Variants in APBA1 observed in about 807,000 individuals in gnomAD.
APBA1 encodes the protein amyloid-beta A4 precursor protein-binding family A member 1.
In APBA1, 55 loss-of-function variants were observed where a neutral mutation model predicts 86.6. That is an observed-to-expected ratio of 0.64 (90% CI 0.51 to 0.80). The LOEUF is 0.80. Among genes scored for constraint, APBA1 ranks in the 30% least tolerant of loss-of-function variants. The pLI, the probability that APBA1 is intolerant of heterozygous loss-of-function variation, is 0.00. For synonymous variants in APBA1, 511 were observed against 493.9 expected, an observed-to-expected ratio of 1.03 and a Z score of -0.46; for missense variants, 1,090 against 1,183.0, an observed-to-expected ratio of 0.92 and a Z score of 1.15.
intron 1 of APBA1, among the ~76,000 whole-genome samples, chr9:69,527,325 G>T (rs1254954242): frequency 6.6e-6 from 1 of 151,988 alleles, no homozygotes; most frequent in Non-Finnish European, 1.5e-5. Flanking sequence ...GGCTATGTAG[G>T]GTTGGAAAAC....
intron 2 of APBA1, among the ~76,000 whole-genome samples, chr9:69,483,545 AT>A (rs1209334509): frequency 1.3e-5 from 2 of 152,174 alleles, no homozygotes; most frequent in Non-Finnish European, 2.9e-5. Context: ...AAACAAAAAA[AT>A]CTTTTCCAAA....
At chr9:69,610,564 A>G (rs1369333832) in intron 1 of APBA1, among the ~76,000 whole-genome samples, 1 of 152,090 alleles carries the variant, frequency 6.6e-6, no homozygotes, top group East Asian at 1.9e-4. Context: ...TGGTTTTGTT[A>G]CATGTCTGTC....
intron 2 of APBA1, among the ~76,000 whole-genome samples, chr9:69,487,653 G>T (rs780641575): frequency 6.6e-6 from 1 of 152,042 alleles, no homozygotes; most frequent in African/African-American, 2.4e-5. Context: ...GTTAGTTATC[G>T]TGAGAGTGGA....
At chr9:69,634,057 C>T (rs118069018) in intron 1 of APBA1, among the ~76,000 whole-genome samples, 3,332 of 152,244 alleles carry the variant, frequency 0.022, 50 homozygotes, top group South Asian at 0.031. Flanking sequence ...CAATAAAGCA[C>T]CTTCATAAGA....
intron 1 of APBA1, among the ~76,000 whole-genome samples, chr9:69,580,578 A>G (rs1342842724): frequency 2.0e-5 from 3 of 152,168 alleles, no homozygotes; most frequent in African/African-American, 7.2e-5. Flanking sequence ...AGCCCTAAAT[A>G]TCTCCTCATG....
At chr9:69,560,076 T>C (rs748442368) in intron 1 of APBA1, among the ~76,000 whole-genome samples, 7 of 152,218 alleles carry the variant, frequency 4.6e-5, no homozygotes, top group Non-Finnish European at 7.3e-5. Flanking sequence ...TTTAGCTCCC[T>C]GCTTGCCCAG....
At chr9:69,531,261 T>A (rs1172630423) in intron 1 of APBA1, among the ~76,000 whole-genome samples, 3 of 152,132 alleles carry the variant, frequency 2.0e-5, no homozygotes, top group Non-Finnish European at 4.4e-5. Context: ...CCTCCTAAAC[T>A]CTTTCTTTTC....
At chr9:69,431,560 C>T (rs1296492319) in intron 12 of APBA1, among the ~76,000 whole-genome samples, 162 bp from the exon 13 acceptor site, 1 of 152,242 alleles carries the variant, frequency 6.6e-6, no homozygotes, top group Admixed American at 6.5e-5. Flanking sequence ...GGGTGGCCTC[C>T]AGGAACAGTG....
intron 2 of APBA1, among the ~76,000 whole-genome samples, chr9:69,510,742 G>C (rs1482081083): frequency 6.9e-6 from 1 of 144,666 alleles, no homozygotes; most frequent in Non-Finnish European, 1.5e-5. Flanking sequence ...CAATGGAACA[G>C]AACAGAGCCC....
intron 1 of APBA1, among the ~76,000 whole-genome samples, chr9:69,595,176 G>A (rs1379204070): frequency 2.0e-5 from 3 of 152,136 alleles, no homozygotes; most frequent in Non-Finnish European, 4.4e-5. Context: ...AAAGCTGCCC[G>A]AGTGCCTGGG....
At chr9:69,606,479 C>CTT (rs35083481) in intron 1 of APBA1, among the ~76,000 whole-genome samples, 5,886 of 50,960 alleles carry the variant, frequency 0.12, 2,176 homozygotes, top group East Asian at 0.21. Flanking sequence ...AGGGAGCTAG[C>CTT]TTTTTTTTTT....
intron 3 of APBA1, among the ~76,000 whole-genome samples, chr9:69,473,788 C>T (rs962818087): frequency 2.6e-5 from 4 of 152,028 alleles, no homozygotes; most frequent in Admixed American, 2.6e-4. Flanking sequence ...TTGGTACATT[C>T]ACTTATTCTC....
intron 1 of APBA1, among the ~76,000 whole-genome samples, chr9:69,548,491 C>T (rs1345877710): frequency 5.3e-5 from 8 of 152,234 alleles, no homozygotes; most frequent in Admixed American, 5.2e-4. Flanking sequence ...TTGGCAGAGG[C>T]TGCAAGCTCT....
chr9:69,642,817 G>T (rs567476520), intron 1 of APBA1, among the ~76,000 whole-genome samples: 1 of 151,642 alleles, frequency 6.6e-6, no homozygotes, highest in Admixed American at 6.6e-5. Flanking sequence ...ACTGACTACC[G>T]CCTGAACAAG....
At chr9:69,492,760 C>G (rs560465505) in intron 2 of APBA1, among the ~76,000 whole-genome samples, 2 of 152,070 alleles carry the variant, frequency 1.3e-5, no homozygotes, top group Non-Finnish European at 2.9e-5. Context: ...AGTTCACACA[C>G]GGCCTTGGCA....
At chr9:69,493,345 G>A (rs905489725) in intron 2 of APBA1, among the ~76,000 whole-genome samples, 8 of 151,826 alleles carry the variant, frequency 5.3e-5, no homozygotes, top group East Asian at 1.9e-4. Flanking sequence ...TATCACCTGC[G>A]TTTCTGCTCA....
At chr9:69,667,325 G>T (rs1823860836) in intron 1 of APBA1, among the ~76,000 whole-genome samples, 1 of 152,022 alleles carries the variant, frequency 6.6e-6, no homozygotes, top group Non-Finnish European at 1.5e-5. Context: ...AGCGTTAATT[G>T]GTTTCACTAC....
chr9:69,541,159 A>G (rs1836602925), intron 1 of APBA1, among the ~76,000 whole-genome samples: 1 of 152,012 alleles, frequency 6.6e-6, no homozygotes, highest in South Asian at 2.1e-4. Context: ...TGTTTTGCAA[A>G]TATTTCTTTG....
chr9:69,471,322 G>A (rs1377479650), intron 4 of APBA1, among the ~76,000 whole-genome samples: 3 of 152,142 alleles, frequency 2.0e-5, no homozygotes, highest in Non-Finnish European at 2.9e-5. Flanking sequence ...TTTTCTTTTT[G>A]AATGTATGAA....
Sources: gnomAD v4.1 joint callset for allele counts (sites outside exome capture counted in the v4.1 genomes callset) on GRCh38, gnomAD v4.1.1 for gene constraint, MANE v1.5 for transcripts, NCBI Gene and HGNC (gene_info 2026-07-23, HGNC 2026-07-21) for gene names.